The following BABAM2 variants were observed in gnomAD, a reference collection of about 807,000 sequenced individuals.
BABAM2 encodes the protein BRISC and BRCA1-A complex member 2.
In BABAM2, 31 loss-of-function variants were observed where a neutral mutation model predicts 54.7. The observed-to-expected ratio is 0.57, with a 90% CI of 0.43 to 0.77. BABAM2 has a LOEUF of 0.77. Ranked by LOEUF, BABAM2 falls within the 30% of genes least tolerant of loss-of-function variation. The pLI, the probability that BABAM2 is intolerant of heterozygous loss-of-function variation, is 0.00. For synonymous variants in BABAM2, 167 were observed against 162.9 expected (o/e 1.03, Z -0.19); for missense variants, 364 against 455.8 (o/e 0.80, Z 1.83).
chr2:28,116,389 G>T (rs1327986727), intron 6 of BABAM2, among the ~76,000 whole-genome samples: 1 of 152,174 alleles, frequency 6.6e-6, no homozygotes, highest in Admixed American at 6.5e-5. Context: ...TCTCTAGTGG[G>T]CTCCATTCTC....
intron 1 of BABAM2, among the ~76,000 whole-genome samples, chr2:27,894,010 AAAG>A (rs1315016486): frequency 2.0e-5 from 3 of 151,888 alleles, no homozygotes; most frequent in Non-Finnish European, 4.4e-5. Context: ...AAAGAAAAAA[AAAG>A]AAAGATATAT....
intron 6 of BABAM2, among the ~76,000 whole-genome samples, chr2:28,053,407 G>A (rs1029914762): frequency 6.6e-6 from 1 of 152,124 alleles, no homozygotes; most frequent in African/African-American, 2.4e-5. Flanking sequence ...TTATCTTAAA[G>A]GAAATAATTT....
chr2:28,115,840 C>T (rs895384799), intron 6 of BABAM2, among the ~76,000 whole-genome samples: 1 of 151,696 alleles, frequency 6.6e-6, no homozygotes, highest in South Asian at 2.1e-4. Flanking sequence ...GGAGGCCGGG[C>T]ATGGTGGCTC....
intron 11 of BABAM2, among the ~76,000 whole-genome samples, chr2:28,299,639 G>A (rs1216691831): frequency 5.9e-5 from 9 of 152,146 alleles, no homozygotes; most frequent in Admixed American, 4.6e-4. Flanking sequence ...GGAATATAAT[G>A]ATAAACGAAT....
intron 7 of BABAM2, among the ~76,000 whole-genome samples, chr2:28,183,742 C>CACACACACACTT (rs1558414848): frequency 6.7e-6 from 1 of 148,632 alleles, no homozygotes; most frequent in African/African-American, 2.5e-5. Context: ...ATGAAGATCA[C>CACACACACACTT]ACACACACAC....
chr2:28,213,088 G>A (rs1455005565), intron 7 of BABAM2, among the ~76,000 whole-genome samples: 1 of 152,070 alleles, frequency 6.6e-6, no homozygotes, highest in East Asian at 1.9e-4. Flanking sequence ...TTAGCTGGGT[G>A]TGGTGGCACG....
chr2:28,026,899 TATATATAA>T (rs1675829469), intron 5 of BABAM2, among the ~76,000 whole-genome samples: 1 of 51,020 alleles, frequency 2.0e-5, no homozygotes, highest in Non-Finnish European at 3.7e-5. Context: ...TATATATAAA[TATATATAA>T]ATATATATTA....
intron 1 of BABAM2, among the ~76,000 whole-genome samples, chr2:27,894,246 G>T (rs1363718716): frequency 6.6e-6 from 1 of 152,082 alleles, no homozygotes; most frequent in Non-Finnish European, 1.5e-5. Context: ...GGACCACTTT[G>T]AGTAGAGTGT....
intron 10 of BABAM2, among the ~76,000 whole-genome samples, chr2:28,252,476 G>A (rs762952338): frequency 1.6e-4 from 24 of 152,046 alleles, no homozygotes; most frequent in Non-Finnish European, 2.2e-4. Context: ...CACACCCTTC[G>A]CCCGGTTTAC....
intron 7 of BABAM2, chr2:28,233,044 C>A (rs1307792226): frequency 2.7e-5 from 9 of 327,746 alleles, no homozygotes; most frequent in Middle Eastern, 4.1e-4. Context: ...AGTTTCAGTT[C>A]TAAGAATGAT....
chr2:28,066,508 A>G (rs1231075175), intron 6 of BABAM2, among the ~76,000 whole-genome samples: 1 of 152,220 alleles, frequency 6.6e-6, no homozygotes, highest in Non-Finnish European at 1.5e-5. Flanking sequence ...GACAATAAAC[A>G]TTCATTATCT....
rs545927592 is a variant in BABAM2 at position 28,240,184 on chromosome 2, C to T, written c.781-1139C>T. Reference sequence around the variant, plus strand: ...CGCCCAGGCTGGGGTGCAGTGATGCCTTCTAAGCTCAATGCAGCCTTGAAC... The same window carrying T: ...CGCCCAGGCTGGGGTGCAGTGATGCTTTCTAAGCTCAATGCAGCCTTGAAC... On this transcript the variant is annotated intron_variant, in intron 8 of 11. Transcript: ENST00000379624. Among the ~76,000 whole-genome samples the T allele has an allele frequency of 1.4e-4, 21 of 151,582 alleles. No individual in the cohort carries two copies. In the South Asian group the frequency reaches 3.8e-3, roughly 27 times the overall value.
intron 5 of BABAM2, among the ~76,000 whole-genome samples, chr2:28,026,897 A>ATATATATATTG (rs1558667588): frequency 4.9e-5 from 1 of 20,578 alleles, no homozygotes; most frequent in Admixed American, 5.7e-4. Flanking sequence ...GATATATATA[A>ATATATATATTG]ATATATATAA....
At chr2:28,171,068 G>A (rs1029792224) in intron 7 of BABAM2, among the ~76,000 whole-genome samples, 1 of 151,760 alleles carries the variant, frequency 6.6e-6, no homozygotes, top group Non-Finnish European at 1.5e-5. Context: ...CTGTCATTTG[G>A]ATGGTAGCAT....
chr2:27,929,159 T>G (rs1667925173), intron 2 of BABAM2, among the ~76,000 whole-genome samples: 1 of 151,746 alleles, frequency 6.6e-6, no homozygotes, highest in Admixed American at 6.6e-5. Flanking sequence ...GAGGCTGCAG[T>G]GAGCAGAGAT....
chr2:27,983,568 A>G (rs1350329490), intron 3 of BABAM2, among the ~76,000 whole-genome samples: 1 of 152,148 alleles, frequency 6.6e-6, no homozygotes, highest in South Asian at 2.1e-4. Flanking sequence ...TTTTAACAAT[A>G]GTAAGTCTTC....
At chr2:28,237,124 C>A (rs1681985598) in intron 7 of BABAM2, 78 bp from the exon 8 acceptor site, 3 of 1,247,060 alleles carry the variant, frequency 2.4e-6, no homozygotes, top group Admixed American at 3.5e-5. Context: ...ATGAGAGAAG[C>A]CAAGTCTGCT....
intron 3 of BABAM2, among the ~76,000 whole-genome samples, chr2:27,939,144 G>C (rs151319372): frequency 1.3e-5 from 2 of 152,124 alleles, no homozygotes; most frequent in African/African-American, 4.8e-5. Context: ...GTAGAGACAG[G>C]GTTTCACCAT....
chr2:28,260,632 A>C (rs1342890904), intron 10 of BABAM2, among the ~76,000 whole-genome samples: 1 of 152,106 alleles, frequency 6.6e-6, no homozygotes, highest in Admixed American at 6.6e-5. Context: ...AAAATCATTT[A>C]GTCTTTTACA....
Sources: gnomAD v4.1 joint callset for allele counts (sites outside exome capture counted in the v4.1 genomes callset) on GRCh38, gnomAD v4.1.1 for gene constraint, MANE v1.5 for transcripts, NCBI Gene and HGNC (gene_info 2026-07-23, HGNC 2026-07-21) for gene names.